The following DGKG variants were observed in gnomAD, a reference collection of about 807,000 sequenced individuals.
DGKG encodes the protein DAG kinase gamma.
In DGKG, 78 loss-of-function variants were observed where a neutral mutation model predicts 105.3. That is an observed-to-expected ratio of 0.74 (90% confidence interval 0.62 to 0.89). DGKG has a LOEUF of 0.89. Among genes scored for constraint, DGKG ranks in the 40% least tolerant of loss-of-function variants. The probability of loss-of-function intolerance (pLI) is 0.00; values close to 1 mark genes in which losing one functional copy is unlikely to be tolerated. For synonymous variants in DGKG, 346 were observed against 367.1 expected (o/e 0.94, Z 0.66); for missense variants, 958 against 1,020.1 (o/e 0.94, Z 0.83).
intron 1 of DGKG, among the ~76,000 whole-genome samples, chr3:186,329,389 A>T (rs1031721043): frequency 6.6e-6 from 1 of 152,212 alleles, no homozygotes; most frequent in Non-Finnish European, 1.5e-5. Context: ...ATCACAAGTC[A>T]GGAGGAAGAA....
intron 22 of DGKG, among the ~76,000 whole-genome samples, chr3:186,173,552 G>A (rs1168451364): frequency 3.9e-5 from 6 of 152,236 alleles, no homozygotes; most frequent in Admixed American, 6.5e-5. Context: ...GCATGTCCTC[G>A]GGCTCCTCTC....
At chr3:186,194,090 C>T (rs1186251533) in intron 21 of DGKG, among the ~76,000 whole-genome samples, 1 of 152,240 alleles carries the variant, frequency 6.6e-6, no homozygotes, top group Non-Finnish European at 1.5e-5. Context: ...CAGAGGCTGC[C>T]GGCCACGTTC....
intron 16 of DGKG, among the ~76,000 whole-genome samples, chr3:186,258,141 T>C (rs149160336): frequency 0.01 from 1,547 of 152,312 alleles, 23 homozygotes; most frequent in South Asian, 0.033. Context: ...AAGGGGGCCA[T>C]CCTTGTGCAA....
At chr3:186,160,589 C>T in intron 24 of DGKG, 1 of 985,384 alleles carries the variant, frequency 1.0e-6, no homozygotes, top group African/African-American at 1.7e-5. Context: ...TTCATGGAAA[C>T]CTTCCTTTAG....
intron 22 of DGKG, among the ~76,000 whole-genome samples, chr3:186,172,315 C>T (rs992833599): frequency 1.6e-4 from 24 of 152,190 alleles, no homozygotes; most frequent in African/African-American, 5.5e-4. Context: ...CACTCCACTT[C>T]CCCTTCCATC....
chr3:186,276,402 T>C (rs1379779418), intron 9 of DGKG, among the ~76,000 whole-genome samples: 3 of 152,250 alleles, frequency 2.0e-5, no homozygotes, highest in African/African-American at 4.8e-5. Flanking sequence ...AGGTTGGCTA[T>C]AGCTGGCAGC....
chr3:186,192,416 C>G (rs879657011), intron 21 of DGKG, among the ~76,000 whole-genome samples: 6 of 152,182 alleles, frequency 3.9e-5, no homozygotes, highest in Admixed American at 3.9e-4. Flanking sequence ...GTCAAAACAT[C>G]CCTTTCCCTT....
intron 20 of DGKG, among the ~76,000 whole-genome samples, chr3:186,228,795 G>C (rs1020525779): frequency 3.3e-5 from 5 of 152,098 alleles, no homozygotes; most frequent in Admixed American, 6.6e-5. Flanking sequence ...CATTGTTCAC[G>C]TCCCTTCGTG....
intron 21 of DGKG, among the ~76,000 whole-genome samples, chr3:186,194,310 TCTAG>T (rs1158617447): frequency 6.6e-6 from 1 of 152,180 alleles, no homozygotes; most frequent in East Asian, 1.9e-4. Context: ...ATCACAGAAT[TCTAG>T]GCAGAGGCCG....
chr3:186,291,700 T>C (rs1723315805), intron 5 of DGKG, among the ~76,000 whole-genome samples: 1 of 143,280 alleles, frequency 7.0e-6, no homozygotes, highest in Non-Finnish European at 1.5e-5. Context: ...TTAATATATA[T>C]GGCAGAAAGC....
At chr3:186,248,209 G>C (rs927465454) in intron 19 of DGKG, among the ~76,000 whole-genome samples, 1 of 152,240 alleles carries the variant, frequency 6.6e-6, no homozygotes, top group African/African-American at 2.4e-5. Flanking sequence ...TTGAGACAGG[G>C]AGGTGTGGGG....
intron 19 of DGKG, among the ~76,000 whole-genome samples, chr3:186,248,831 C>T (rs186332322): frequency 3.3e-5 from 5 of 152,148 alleles, no homozygotes; most frequent in Non-Finnish European, 5.9e-5. Flanking sequence ...TGTTTCTGTA[C>T]CTCTCTAAGC....
intron 20 of DGKG, among the ~76,000 whole-genome samples, chr3:186,215,094 CCA>C (rs1264499386): frequency 6.6e-6 from 1 of 152,144 alleles, no homozygotes; most frequent in Non-Finnish European, 1.5e-5. Context: ...GGTGGGCACG[CCA>C]CACTCAGGGG....
intron 1 of DGKG, among the ~76,000 whole-genome samples, chr3:186,341,159 TGTC>T (rs1560163811): frequency 6.6e-6 from 1 of 152,230 alleles, no homozygotes; most frequent in East Asian, 1.9e-4. Context: ...GGGATAATGT[TGTC>T]ATTGTTCTTT....
intron 21 of DGKG, among the ~76,000 whole-genome samples, chr3:186,197,639 C>T (rs1342677338): frequency 6.6e-6 from 1 of 152,162 alleles, no homozygotes; most frequent in Non-Finnish European, 1.5e-5. Flanking sequence ...GTAAGTCAGA[C>T]TACGGTGAAG....
At chr3:186,359,611 A>G (rs1727133542) in intron 1 of DGKG, among the ~76,000 whole-genome samples, 1 of 152,206 alleles carries the variant, frequency 6.6e-6, no homozygotes, top group African/African-American at 2.4e-5. Context: ...TGGGATTGAT[A>G]GTAATAACAC....
intron 22 of DGKG, among the ~76,000 whole-genome samples, chr3:186,176,498 G>A (rs775758701): frequency 6.6e-5 from 10 of 152,114 alleles, no homozygotes; most frequent in Non-Finnish European, 1.3e-4. Context: ...GGAGAGTCAC[G>A]ACAGGGAGGG....
At chr3:186,246,758 C>T (rs544271051) in intron 19 of DGKG, among the ~76,000 whole-genome samples, 19 of 152,256 alleles carry the variant, frequency 1.2e-4, no homozygotes, top group South Asian at 2.1e-4. Context: ...ATGTGTAGGA[C>T]GCTTATCATG....
chr3:186,291,504 A>G (rs1723307148), intron 5 of DGKG, among the ~76,000 whole-genome samples: 1 of 152,238 alleles, frequency 6.6e-6, no homozygotes, highest in African/African-American at 2.4e-5. Flanking sequence ...GTCCATCAGT[A>G]GGTTAACAGA....
Sources: allele counts gnomAD v4.1 joint callset (sites outside exome capture counted in the v4.1 genomes callset), GRCh38; gene constraint gnomAD v4.1.1; transcripts MANE v1.5; gene names NCBI Gene and HGNC (gene_info 2026-07-23, HGNC 2026-07-21).